RNF38: variants seen among roughly 807,000 people sequenced by gnomAD.
The protein encoded by RNF38 is ring finger protein 38.
Under a neutral mutation model 67.2 loss-of-function variants are expected in RNF38, and 15 were observed. That is an observed-to-expected ratio of 0.22 (90% CI 0.15 to 0.34). The LOEUF (loss-of-function observed/expected upper bound fraction) is 0.34, where lower values mean the gene tolerates loss of function less well. Ranked by LOEUF, RNF38 falls within the 10% of genes least tolerant of loss-of-function variation. RNF38 has a pLI of 1.00. For missense variants in RNF38, 524 were observed against 639.9 expected, an observed-to-expected ratio of 0.82 and a Z score of 1.95; for synonymous variants, 220 against 218.8, an observed-to-expected ratio of 1.01 and a Z score of -0.05.
intron 4 of RNF38, 120 bp from the exon 5 acceptor site, chr9:36,358,062 C>T (rs1002656185): frequency 4.1e-6 from 3 of 729,918 alleles, no homozygotes; most frequent in East Asian, 2.6e-5. Flanking sequence ...TCACAATGTA[C>T]TCTCCAATAG....
intron 1 of RNF38, among the ~76,000 whole-genome samples, chr9:36,443,691 T>TAC (rs1839244043): frequency 6.6e-6 from 1 of 151,898 alleles, no homozygotes; most frequent in African/African-American, 2.4e-5. Flanking sequence ...GAAATGAACT[T>TAC]AAACGCTGAA....
chr9:36,474,526 A>C (rs1840078861), intron 1 of RNF38, among the ~76,000 whole-genome samples: 1 of 148,138 alleles, frequency 6.8e-6, no homozygotes, highest in African/African-American at 2.5e-5. Flanking sequence ...ACGGCTAAAA[A>C]TACAGATTCT....
At chr9:36,401,038 G>C (rs1837998484), upstream of RNF38, 1 of 984,736 alleles carries the variant, frequency 1.0e-6, no homozygotes, top group African/African-American at 1.7e-5. Context: ...GACACGCGCG[G>C]TCCTCCCACT....
At chr9:36,405,593 GTTTC>G (rs1160962500), upstream of RNF38, among the ~76,000 whole-genome samples, 18 of 152,322 alleles carry the variant, frequency 1.2e-4, no homozygotes, top group South Asian at 6.2e-4. Context: ...CTCTAGAAGT[GTTTC>G]TTTAAGACTG....
intron 1 of RNF38, among the ~76,000 whole-genome samples, chr9:36,435,465 C>G (rs958134795): frequency 1.3e-5 from 2 of 151,434 alleles, no homozygotes; most frequent in Non-Finnish European, 2.9e-5. Context: ...GAAATTTACT[C>G]TAATAATTTA....
chr9:36,374,570 G>A (rs1480947185), intron 3 of RNF38, among the ~76,000 whole-genome samples: 1 of 152,090 alleles, frequency 6.6e-6, no homozygotes, highest in Non-Finnish European at 1.5e-5. Flanking sequence ...CGCCTCCTGG[G>A]TTCAAGCAAT....
At chr9:36,463,455 C>G (rs1195125284) in intron 1 of RNF38, among the ~76,000 whole-genome samples, 2 of 152,114 alleles carry the variant, frequency 1.3e-5, no homozygotes, top group Non-Finnish European at 2.9e-5. Flanking sequence ...CTTCAATGAT[C>G]TAAACGTAGG....
At chr9:36,486,237 C>T (rs1216614336) in intron 1 of RNF38, among the ~76,000 whole-genome samples, 5 of 152,168 alleles carry the variant, frequency 3.3e-5, no homozygotes, top group Non-Finnish European at 7.4e-5. Flanking sequence ...AGTCCTTTCC[C>T]CTTCCAAGGG....
At chr9:36,415,370 G>A (rs1838435919) in intron 2 of RNF38, among the ~76,000 whole-genome samples, 1 of 151,996 alleles carries the variant, frequency 6.6e-6, no homozygotes, top group South Asian at 2.1e-4. Context: ...CTGAAGTTGT[G>A]ATTGTTGTTT....
intron 9 of RNF38, among the ~76,000 whole-genome samples, chr9:36,348,059 G>A (rs1833422599): frequency 6.6e-6 from 1 of 152,064 alleles, no homozygotes; most frequent in African/African-American, 2.4e-5. Flanking sequence ...CTGGGCAACA[G>A]AGTGAGATTC....
chr9:36,383,247 G>A (rs1439219102), intron 2 of RNF38, among the ~76,000 whole-genome samples: 1 of 152,122 alleles, frequency 6.6e-6, no homozygotes, highest in Non-Finnish European at 1.5e-5. Context: ...CTGCTGCCAG[G>A]CTGGAGTGCA....
chr9:36,347,948 C>T (rs1354124160), intron 9 of RNF38, among the ~76,000 whole-genome samples: 2 of 151,942 alleles, frequency 1.3e-5, no homozygotes, highest in Admixed American at 6.6e-5. Flanking sequence ...TGGTGGCGGG[C>T]GCCTGTAGTC....
chr9:36,386,875 T>G (rs1471096643), intron 2 of RNF38, among the ~76,000 whole-genome samples: 1 of 152,240 alleles, frequency 6.6e-6, no homozygotes, highest in South Asian at 2.1e-4. Flanking sequence ...CAATCTCAGC[T>G]CACTGCAACC....
At chr9:36,422,361 G>T (rs1281471331) in intron 2 of RNF38, among the ~76,000 whole-genome samples, 1 of 151,932 alleles carries the variant, frequency 6.6e-6, no homozygotes, top group African/African-American at 2.4e-5. Context: ...AGGTTGCAGT[G>T]AGCCAAGACT....
intron 2 of RNF38, among the ~76,000 whole-genome samples, chr9:36,407,032 T>C (rs1384118266): frequency 6.6e-6 from 1 of 151,986 alleles, no homozygotes; most frequent in Non-Finnish European, 1.5e-5. Flanking sequence ...AAACAAAAGA[T>C]AAAGCTGCAC....
At chr9:36,418,890 G>A (rs1838543432) in intron 2 of RNF38, among the ~76,000 whole-genome samples, 1 of 151,384 alleles carries the variant, frequency 6.6e-6, no homozygotes, top group South Asian at 2.1e-4. Context: ...TTGAACCCTG[G>A]CAGTGGAGGT....
intron 1 of RNF38, among the ~76,000 whole-genome samples, chr9:36,461,901 G>A (rs1839742126): frequency 6.6e-6 from 1 of 152,162 alleles, no homozygotes; most frequent in Admixed American, 6.6e-5. Flanking sequence ...GCACATAAAT[G>A]ATATTTAAAT....
chr9:36,410,672 C>A (rs1406999789), intron 2 of RNF38, among the ~76,000 whole-genome samples: 1 of 152,220 alleles, frequency 6.6e-6, no homozygotes, highest in African/African-American at 2.4e-5. Context: ...AAACACCCAA[C>A]CAGTTTTTGT....
chr9:36,398,710 C>A (rs548213430), intron 1 of RNF38, among the ~76,000 whole-genome samples: 10 of 152,262 alleles, frequency 6.6e-5, no homozygotes, highest in African/African-American at 1.9e-4. Context: ...GTTTTCTTAG[C>A]AGGAAAACCA....
Sources: allele counts gnomAD v4.1 joint callset (sites outside exome capture counted in the v4.1 genomes callset), GRCh38; gene constraint gnomAD v4.1.1; transcripts MANE v1.5; gene names NCBI Gene and HGNC (gene_info 2026-07-23, HGNC 2026-07-21).